Variants in EPHA4 observed in about 807,000 individuals in gnomAD.
The protein encoded by EPHA4 is EPH receptor A4.
In EPHA4, 19 loss-of-function variants were observed where a neutral mutation model predicts 108.3. That is an observed-to-expected ratio of 0.18 (90% CI 0.12 to 0.26). The LOEUF is 0.26. Ranked by LOEUF, EPHA4 falls within the 10% of genes least tolerant of loss-of-function variation. The pLI, the probability that EPHA4 is intolerant of heterozygous loss-of-function variation, is 1.00. For synonymous variants in EPHA4, 449 were observed against 455.5 expected (o/e 0.99, Z 0.18); for missense variants, 917 against 1,254.0 (o/e 0.73, Z 4.06).
chr2:221,521,559 T>C (rs1693165373), intron 3 of EPHA4, among the ~76,000 whole-genome samples: 1 of 152,132 alleles, frequency 6.6e-6, no homozygotes, highest in Non-Finnish European at 1.5e-5. Flanking sequence ...TTGGAAAATA[T>C]CTGCCAAAAG....
At chr2:221,525,245 C>A (rs550167866) in intron 3 of EPHA4, among the ~76,000 whole-genome samples, 1 of 152,192 alleles carries the variant, frequency 6.6e-6, no homozygotes, top group Non-Finnish European at 1.5e-5. Flanking sequence ...ACACCCATCA[C>A]GCTGCGTGGA....
chr2:221,460,378 A>C (rs1256508982), intron 5 of EPHA4, among the ~76,000 whole-genome samples: 1 of 152,230 alleles, frequency 6.6e-6, no homozygotes, highest in Non-Finnish European at 1.5e-5. Flanking sequence ...GATCAATTCA[A>C]CCAAGGAAAA....
intron 5 of EPHA4, among the ~76,000 whole-genome samples, chr2:221,466,933 T>C (rs1691330456): frequency 6.6e-6 from 1 of 152,158 alleles, no homozygotes; most frequent in Admixed American, 6.6e-5. Context: ...GTGACTGTTT[T>C]CCCACAGCAG....
intron 3 of EPHA4, among the ~76,000 whole-genome samples, chr2:221,516,972 G>A (rs1273004530): frequency 6.6e-6 from 1 of 152,220 alleles, no homozygotes; most frequent in African/African-American, 2.4e-5. Flanking sequence ...TCAGAAAAAA[G>A]AGGGAAACAA....
chr2:221,447,327 A>G (rs999239275), intron 8 of EPHA4, among the ~76,000 whole-genome samples: 3 of 152,208 alleles, frequency 2.0e-5, no homozygotes, highest in Admixed American at 1.3e-4. Context: ...ATAAGTAAAA[A>G]TTCCCGCAAA....
In EPHA4 at chr2:221,484,383, C is replaced by A. The variant is rs544175596; in HGVS notation, c.980-1693G>T. Among the ~76,000 whole-genome samples the A allele has an allele frequency of 2.1e-3, 318 of 152,284 alleles. 1 individual carries two copies. The highest frequency in any genetic ancestry group is 7.3e-3 in the African/African-American group (305 of 41,562). ...TATTTTAACAAGGTAAGCAGGACTTCCCAAACTCCCCTCAGGACTAATTAC... is the reference window on the plus strand; with the variant it reads ...TATTTTAACAAGGTAAGCAGGACTTACCAAACTCCCCTCAGGACTAATTAC... On this transcript the variant is annotated intron_variant, in intron 4 of 17. Transcript: ENST00000281821.
chr2:221,491,731 T>C (rs1692148873), intron 4 of EPHA4, among the ~76,000 whole-genome samples: 1 of 152,088 alleles, frequency 6.6e-6, no homozygotes, highest in Non-Finnish European at 1.5e-5. Flanking sequence ...CTACCTTCTG[T>C]GCAAGAGAGT....
At chr2:221,465,812 G>T (rs1393124565) in intron 5 of EPHA4, among the ~76,000 whole-genome samples, 1 of 152,168 alleles carries the variant, frequency 6.6e-6, no homozygotes, top group Non-Finnish European at 1.5e-5. Context: ...AATTTCTATT[G>T]CAATAACCCA....
upstream of EPHA4, chr2:221,573,246 A>AGCTGCCCGGAGCG (rs1694903546): frequency 6.6e-6 from 1 of 152,206 alleles, no homozygotes. The surrounding 1 kb of genome is among the most constrained non-coding windows in gnomAD (Gnocchi z 4.5). Flanking sequence ...GGGACTGGGA[A>AGCTGCCCGGAGCG]GCTGCCCGGA....
rs372005805 is a variant in EPHA4 at position 221,435,991 on chromosome 2, C to CA, written c.2346+407dup. On this transcript the variant is annotated intron_variant, in intron 13 of 17. Transcript: ENST00000281821. ...GAAGACAGGCAGGCAAATACAAGTG[C>CA]AAAAAAATAAATAAGTGAAGCTACC... Among the ~76,000 whole-genome samples the CA allele has an allele frequency of 5.8e-3, 873 of 149,480 alleles. 9 individuals are homozygous for CA. The highest frequency in any genetic ancestry group is 0.02 in the African/African-American group (823 of 40,736).
chr2:221,489,514 T>G (rs1692079161), intron 4 of EPHA4, among the ~76,000 whole-genome samples: 1 of 152,146 alleles, frequency 6.6e-6, no homozygotes, highest in South Asian at 2.1e-4. Flanking sequence ...CTGACTGACT[T>G]CTTATCCCTG....
chr2:221,476,973 A>T (rs894849383), intron 5 of EPHA4, among the ~76,000 whole-genome samples: 5 of 152,182 alleles, frequency 3.3e-5, no homozygotes, highest in Non-Finnish European at 7.3e-5. Flanking sequence ...AATGTTAATC[A>T]ACAAACAGAT....
At chr2:221,440,133 A>G (rs1574564160) in intron 11 of EPHA4, among the ~76,000 whole-genome samples, 1 of 152,308 alleles carries the variant, frequency 6.6e-6, no homozygotes, top group East Asian at 1.9e-4. Context: ...CCTTCCCTGC[A>G]GTAGGCAGGG....
At chr2:221,485,663 T>C (rs1424246580) in intron 4 of EPHA4, among the ~76,000 whole-genome samples, 1 of 152,144 alleles carries the variant, frequency 6.6e-6, no homozygotes, top group Non-Finnish European at 1.5e-5. Flanking sequence ...TGGTATGCTG[T>C]GCTTGTGGGA....
chr2:221,498,841 G>C (rs1692386875), intron 4 of EPHA4, among the ~76,000 whole-genome samples: 1 of 149,494 alleles, frequency 6.7e-6, no homozygotes, highest in Non-Finnish European at 1.5e-5. Flanking sequence ...ATCTAGGGTG[G>C]AGTCCAGTGG....
intron 4 of EPHA4, among the ~76,000 whole-genome samples, chr2:221,496,233 A>G (rs1451689252): frequency 6.6e-6 from 1 of 152,154 alleles, no homozygotes; most frequent in Non-Finnish European, 1.5e-5. Context: ...AGTATTGTCC[A>G]ATAGAACTTT....
At chr2:221,522,751 TATTATTATTA>T (rs1398083538) in intron 3 of EPHA4, among the ~76,000 whole-genome samples, 2,900 of 37,002 alleles carry the variant, frequency 0.078, 78 homozygotes, top group Admixed American at 0.19. Flanking sequence ...TTATTATTAT[TATTATTATTA>T]TTATTATTAT....
chr2:221,501,311 G>A (rs546864832), intron 3 of EPHA4, 139 bp from the exon 4 acceptor site: 1 of 671,784 alleles, frequency 1.5e-6, no homozygotes. Flanking sequence ...TGAAATGCAG[G>A]TCATGCAACC....
intron 8 of EPHA4, among the ~76,000 whole-genome samples, chr2:221,448,787 A>G (rs1690678236): frequency 6.6e-6 from 1 of 152,212 alleles, no homozygotes; most frequent in Non-Finnish European, 1.5e-5. Flanking sequence ...CCTTTGAAGA[A>G]GGAAAAACAA....
Sources: allele counts gnomAD v4.1 joint callset (sites outside exome capture counted in the v4.1 genomes callset), GRCh38; gene constraint gnomAD v4.1.1; non-coding constraint Gnocchi (gnomAD v3.1); transcripts MANE v1.5; gene names NCBI Gene and HGNC (gene_info 2026-07-23, HGNC 2026-07-21).